Variants in SH3KBP1 observed in about 807,000 individuals in gnomAD.
SH3KBP1 encodes the protein SH3 domain-containing kinase-binding protein 1.
SH3KBP1 carries 8 observed loss-of-function variants against 50.1 expected under a neutral mutation model. The observed-to-expected ratio is 0.16, with a 90% CI of 0.09 to 0.29. The LOEUF (loss-of-function observed/expected upper bound fraction) is 0.29, where lower values mean the gene tolerates loss of function less well. Ranked by LOEUF, SH3KBP1 falls within the 10% of genes least tolerant of loss-of-function variation. The pLI, the probability that SH3KBP1 is intolerant of heterozygous loss-of-function variation, is 1.00. For missense variants in SH3KBP1, 377 were observed against 535.2 expected, an observed-to-expected ratio of 0.70 and a Z score of 2.92; for synonymous variants, 227 against 218.6, an observed-to-expected ratio of 1.04 and a Z score of -0.34.
intron 2 of SH3KBP1, among the ~76,000 whole-genome samples, chrX:19,832,793 G>A (rs991153389): frequency 2.7e-5 from 3 of 111,895 alleles, no homozygotes; most frequent in South Asian, 7.5e-4. Context: ...GGGGCAATGC[G>A]GAGACCTTCT....
chrX:19,740,442 A>G (rs1249491656), intron 3 of SH3KBP1, among the ~76,000 whole-genome samples: 2 of 112,221 alleles, frequency 1.8e-5, no homozygotes, highest in African/African-American at 6.5e-5. Flanking sequence ...CCTGGGAAAG[A>G]CCAGCTCAGG....
intron 3 of SH3KBP1, among the ~76,000 whole-genome samples, chrX:19,713,225 C>T (rs1367172842): frequency 1.8e-5 from 2 of 109,599 alleles, no homozygotes; most frequent in Admixed American, 9.7e-5. Context: ...TCAAAAAAAA[C>T]AAAACAAACA....
chrX:19,665,874 C>T (rs1037672576), intron 6 of SH3KBP1, among the ~76,000 whole-genome samples: 1 of 111,882 alleles, frequency 8.9e-6, no homozygotes, highest in African/African-American at 3.3e-5. Context: ...TATCATTTTA[C>T]AACTAGTGAG....
At chrX:19,679,003 G>C (rs1183862364) in intron 6 of SH3KBP1, among the ~76,000 whole-genome samples, 1 of 111,304 alleles carries the variant, frequency 9.0e-6, no homozygotes, top group African/African-American at 3.3e-5. Flanking sequence ...TCCCTCTTCA[G>C]GGCATTTATA....
chrX:19,708,641 GATTT>G (rs897422772), intron 3 of SH3KBP1, among the ~76,000 whole-genome samples: 4 of 111,841 alleles, frequency 3.6e-5, no homozygotes. Context: ...AAAGGATATG[GATTT>G]CTCATTCTAG....
chrX:19,722,324 C>T (rs2064079249), intron 3 of SH3KBP1, among the ~76,000 whole-genome samples: 1 of 111,837 alleles, frequency 8.9e-6, no homozygotes, highest in African/African-American at 3.3e-5. Context: ...GAGGCCAGCA[C>T]AGCTAATTTG....
intron 6 of SH3KBP1, among the ~76,000 whole-genome samples, chrX:19,682,333 TACACACACACACACACACAC>T (rs59044973): frequency 1.7e-4 from 13 of 75,914 alleles, no homozygotes; most frequent in Non-Finnish European, 2.1e-4. Context: ...ATAAGAGTCA[TACACACACACACACACACAC>T]ACACACACAC....
At chrX:19,678,497 A>G (rs2062979177) in intron 6 of SH3KBP1, among the ~76,000 whole-genome samples, 1 of 110,997 alleles carries the variant, frequency 9.0e-6, no homozygotes, top group African/African-American at 3.3e-5. Flanking sequence ...AGACCAACAG[A>G]ACAGAGTCCA....
intron 14 of SH3KBP1, among the ~76,000 whole-genome samples, chrX:19,548,824 A>AG (rs56748695): frequency 0.028 from 1,927 of 70,014 alleles, 47 homozygotes; most frequent in African/African-American, 0.11. Context: ...ATATGGAAAT[A>AG]AAGAGAGAGA....
At chrX:19,661,626 T>TCA (rs2062457112) in intron 6 of SH3KBP1, among the ~76,000 whole-genome samples, 1 of 106,039 alleles carries the variant, frequency 9.4e-6, no homozygotes, top group South Asian at 4.3e-4. Context: ...AAATAAAGGT[T>TCA]GTTTTTTTTT....
rs1555980606 is a variant in SH3KBP1, at chrX:19,548,825, A to AG, written c.1494+1148_1494+1149insC. 3.3e-4 allele frequency among the ~76,000 whole-genome samples: 34 copies of AG among 102,476 alleles called. 1 individual carries two copies. The highest frequency in any genetic ancestry group is 6.9e-4 in the African/African-American group (19 of 27,546). 89.0% of individuals were successfully genotyped at this position (102,476 alleles called of 115,157 possible). A position where few individuals can be genotyped will look rare whatever the true frequency, so the allele number is the denominator to read the frequency against. On this transcript the variant is annotated intron_variant, in intron 14 of 17. Coordinates refer to ENST00000397821, the MANE Select transcript of SH3KBP1 (RefSeq NM_031892.3). ...CAAGGCAATGTGCTATATGGAAATA[A>AG]AGAGAGAGAGAGAGAGAGAGAAATC... is the stretch of plus-strand genomic sequence containing the variant.
At chrX:19,686,322 T>C (rs1215630513) in intron 5 of SH3KBP1, among the ~76,000 whole-genome samples, 3 of 111,925 alleles carry the variant, frequency 2.7e-5, no homozygotes, top group Non-Finnish European at 3.8e-5. Flanking sequence ...TATCTTTTAG[T>C]GACTCGTGCC....
intron 3 of SH3KBP1, among the ~76,000 whole-genome samples, chrX:19,715,442 G>C (rs1472140273): frequency 9.0e-6 from 1 of 111,576 alleles, no homozygotes; most frequent in Admixed American, 9.5e-5. Context: ...AATTTTCTGT[G>C]CATTAAAATA....
intron 5 of SH3KBP1, among the ~76,000 whole-genome samples, chrX:19,686,241 T>C (rs913355329): frequency 8.9e-6 from 1 of 112,221 alleles, no homozygotes; most frequent in Admixed American, 9.4e-5. Context: ...GGTAAAATAA[T>C]TCAAAATCTA....
chrX:19,613,137 G>A (rs1164168867), intron 8 of SH3KBP1, among the ~76,000 whole-genome samples: 1 of 112,353 alleles, frequency 8.9e-6, no homozygotes, highest in African/African-American at 3.2e-5. Context: ...ATGTCCCCAA[G>A]GAAGACGGTA....
intron 2 of SH3KBP1, among the ~76,000 whole-genome samples, chrX:19,782,022 A>G (rs1686960607): frequency 1.8e-5 from 2 of 111,761 alleles, no homozygotes; most frequent in South Asian, 7.5e-4. Flanking sequence ...GCAACCCCCT[A>G]AAAAGATATG....
rs1215415287 is a variant in SH3KBP1, at chrX:19,809,387, G to C, written c.162+26738C>G. 1.8e-5 allele frequency among the ~76,000 whole-genome samples: 2 copies of C among 110,708 alleles called. 1 individual carries two copies. The highest frequency in any genetic ancestry group is 6.6e-5 in the African/African-American group (2 of 30,343). ...AAAATACAAAAAATTAGCTGGGTGT[G>C]GTGGCGTGCACCTGTAATCCCAGCT... On this transcript the variant is annotated intron_variant, in intron 2 of 17. Transcript: ENST00000397821.
At chrX:19,821,819 G>A (rs1004991500) in intron 2 of SH3KBP1, among the ~76,000 whole-genome samples, 3 of 112,227 alleles carry the variant, frequency 2.7e-5, no homozygotes, top group Admixed American at 9.4e-5. Context: ...GTGAGCCACC[G>A]TGCCCAGCCT....
At chrX:19,734,886 A>G (rs2064498591) in intron 3 of SH3KBP1, among the ~76,000 whole-genome samples, 1 of 112,342 alleles carries the variant, frequency 8.9e-6, no homozygotes, top group African/African-American at 3.2e-5. Context: ...TTGTGTATAG[A>G]CCACATTTTG....
Sources: allele counts gnomAD v4.1 joint callset (sites outside exome capture counted in the v4.1 genomes callset), GRCh38; gene constraint gnomAD v4.1.1; transcripts MANE v1.5; gene names NCBI Gene and HGNC (gene_info 2026-07-23, HGNC 2026-07-21).